Variants in CYSLTR2 observed in about 807,000 individuals in gnomAD.
The protein encoded by CYSLTR2 is cysteinyl leukotriene receptor 2, also known as G-protein coupled receptor GPCR21.
For missense variants in CYSLTR2, 398 were observed against 411.9 expected, an observed-to-expected ratio of 0.97 and a Z score of 0.29; for synonymous variants, 179 against 160.8, an observed-to-expected ratio of 1.11 and a Z score of -0.86.
chr13:48,655,764 G>T (rs1952983129), intron 1 of CYSLTR2, among the ~76,000 whole-genome samples: 1 of 152,210 alleles, frequency 6.6e-6, no homozygotes, highest in Non-Finnish European at 1.5e-5. Context: ...TTATTTTAAA[G>T]ATGGTAAAGA....
intron 1 of CYSLTR2, among the ~76,000 whole-genome samples, chr13:48,683,646 G>A (rs1273376221): frequency 6.6e-6 from 1 of 151,962 alleles, no homozygotes; most frequent in Non-Finnish European, 1.5e-5. Flanking sequence ...TTTGTCAGAT[G>A]CATAGCTTGC....
At chr13:48,703,023 G>A (rs1407640396) in intron 4 of CYSLTR2, among the ~76,000 whole-genome samples, 2 of 151,982 alleles carry the variant, frequency 1.3e-5, no homozygotes, top group Non-Finnish European at 2.9e-5. Context: ...ATTTACACCT[G>A]TCTTTCATTT....
intron 1 of CYSLTR2, among the ~76,000 whole-genome samples, chr13:48,669,125 C>T (rs527500079): frequency 7.9e-5 from 12 of 152,016 alleles, no homozygotes; most frequent in South Asian, 4.2e-4. Context: ...GTATATACCC[C>T]GTAATGGGAT....
At chr13:48,697,968 G>A (rs1954237989) in intron 4 of CYSLTR2, among the ~76,000 whole-genome samples, 1 of 152,022 alleles carries the variant, frequency 6.6e-6, no homozygotes, top group Admixed American at 6.5e-5. Flanking sequence ...AGCATAGAGA[G>A]AAAAAAGTAA....
chr13:48,657,796 T>C (rs923919586), intron 1 of CYSLTR2, among the ~76,000 whole-genome samples: 4 of 151,322 alleles, frequency 2.6e-5, no homozygotes, highest in African/African-American at 9.7e-5. Context: ...GATTCTTTTT[T>C]CTCTTTTGTC....
intron 1 of CYSLTR2, among the ~76,000 whole-genome samples, chr13:48,678,493 C>T (rs1015015620): frequency 8.5e-5 from 13 of 152,116 alleles, no homozygotes; most frequent in Admixed American, 5.9e-4. Context: ...AGGGTTCTAT[C>T]CTCCTTTGTT....
intron 4 of CYSLTR2, among the ~76,000 whole-genome samples, chr13:48,699,540 G>C (rs1466938787): frequency 1.3e-5 from 2 of 152,170 alleles, no homozygotes; most frequent in African/African-American, 2.4e-5. Flanking sequence ...GAAATTTATA[G>C]CACTAAATGC....
At chr13:48,670,251 T>G (rs546114289) in intron 1 of CYSLTR2, among the ~76,000 whole-genome samples, 7 of 152,378 alleles carry the variant, frequency 4.6e-5, no homozygotes, top group South Asian at 2.1e-4. Context: ...GAAGATAGTT[T>G]CTTTTGCTGT....
chr13:48,691,400 A>G (rs1418027681), intron 2 of CYSLTR2, 99 bp downstream of exon 2: 1 of 152,108 alleles, frequency 6.6e-6, no homozygotes, highest in Non-Finnish European at 1.5e-5. Flanking sequence ...AGGGAAACCA[A>G]CAATATTTCC....
At chr13:48,676,269 C>T (rs745952916) in intron 1 of CYSLTR2, among the ~76,000 whole-genome samples, 7 of 152,136 alleles carry the variant, frequency 4.6e-5, no homozygotes, top group Non-Finnish European at 1.0e-4. Flanking sequence ...TGCTGACTCT[C>T]ATATATGAGA....
At chr13:48,666,958 T>C (rs1206399343) in intron 1 of CYSLTR2, among the ~76,000 whole-genome samples, 2 of 152,356 alleles carry the variant, frequency 1.3e-5, no homozygotes, top group East Asian at 1.9e-4. Flanking sequence ...GGGTGTCATG[T>C]TTCCATGCTT....
intron 1 of CYSLTR2, among the ~76,000 whole-genome samples, chr13:48,679,029 TC>T (rs1163045367): frequency 6.6e-6 from 1 of 151,978 alleles, no homozygotes; most frequent in Non-Finnish European, 1.5e-5. Context: ...CAGGATGAAA[TC>T]CCAATTCCTT....
intron 1 of CYSLTR2, among the ~76,000 whole-genome samples, chr13:48,685,563 C>T (rs777872058): frequency 6.6e-6 from 1 of 152,192 alleles, no homozygotes; most frequent in Non-Finnish European, 1.5e-5. Context: ...GAAACTAGTA[C>T]AACCTCCATT....
At chr13:48,698,048 G>A (rs1273577959) in intron 4 of CYSLTR2, among the ~76,000 whole-genome samples, 1 of 152,188 alleles carries the variant, frequency 6.6e-6, no homozygotes, top group Non-Finnish European at 1.5e-5. Context: ...CGTCTGATTG[G>A]TGTACCTGCA....
chr13:48,700,323 G>A (rs1405312176), intron 4 of CYSLTR2, among the ~76,000 whole-genome samples: 1 of 152,142 alleles, frequency 6.6e-6, no homozygotes, highest in Admixed American at 6.5e-5. Flanking sequence ...TATCCACCAC[G>A]ATCAAGTTGG....
At chr13:48,671,311 A>G (rs990201863) in intron 1 of CYSLTR2, among the ~76,000 whole-genome samples, 9 of 152,144 alleles carry the variant, frequency 5.9e-5, no homozygotes, top group Admixed American at 1.3e-4. Flanking sequence ...TTCCAATACT[A>G]TGTTGAATAG....
intron 1 of CYSLTR2, among the ~76,000 whole-genome samples, chr13:48,681,969 A>G (rs1953767141): frequency 6.6e-6 from 1 of 152,190 alleles, no homozygotes; most frequent in Non-Finnish European, 1.5e-5. Flanking sequence ...TTAAGACTAA[A>G]GTAGGTTCTA....
At chr13:48,654,242 A>T (rs947379579) in intron 1 of CYSLTR2, among the ~76,000 whole-genome samples, 2 of 143,784 alleles carry the variant, frequency 1.4e-5, no homozygotes, top group African/African-American at 5.2e-5. Context: ...TATTTTGGGG[A>T]TCGTCCCTTT....
chr13:48,695,496 C>T (rs1464804637), intron 3 of CYSLTR2, among the ~76,000 whole-genome samples: 2 of 151,574 alleles, frequency 1.3e-5, no homozygotes, highest in Non-Finnish European at 2.9e-5. Context: ...CAAATATTGA[C>T]ATTAATACAG....
Sources: gnomAD v4.1 joint callset for allele counts (sites outside exome capture counted in the v4.1 genomes callset) on GRCh38, gnomAD v4.1.1 for gene constraint, MANE v1.5 for transcripts, NCBI Gene and HGNC (gene_info 2026-07-23, HGNC 2026-07-21) for gene names.